SEMA5A: variants seen among roughly 807,000 people sequenced by gnomAD.
The protein encoded by SEMA5A is semaphorin-5A.
Under a neutral mutation model 135.5 loss-of-function variants are expected in SEMA5A, and 55 were observed. The observed-to-expected ratio is 0.41, with a 90% CI of 0.33 to 0.51. The LOEUF (loss-of-function observed/expected upper bound fraction) is 0.51, where lower values mean the gene tolerates loss of function less well. SEMA5A is among the 20% of genes least tolerant of loss of function. SEMA5A has a pLI of 0.37. For synonymous variants in SEMA5A, 580 were observed against 546.5 expected, an observed-to-expected ratio of 1.06 and a Z score of -0.85; for missense variants, 1,290 against 1,419.9, an observed-to-expected ratio of 0.91 and a Z score of 1.47.
intron 2 of SEMA5A, among the ~76,000 whole-genome samples, chr5:9,403,474 CGA>C (rs777517570): frequency 6.6e-6 from 1 of 152,088 alleles, no homozygotes; most frequent in Non-Finnish European, 1.5e-5. Context: ...TGACTTTGGG[CGA>C]GTTATTTCAC....
Position 9,289,239 on chromosome 5 carries a change from ATGAT to A in SEMA5A, c.270+29129_270+29132del, listed in dbSNP as rs557629576. Among the ~76,000 whole-genome samples the A allele has an allele frequency of 1.2e-4, 18 of 152,358 alleles. No individual in the cohort carries two copies. In the East Asian group the frequency reaches 3.5e-3, roughly 29 times the overall value. ...CTGAAAATAATGACATCAAGATAAA[ATGAT>A]TGATATTATAAAGTAAATATTATGT... On this transcript the variant is annotated intron_variant, in intron 5 of 22. Coordinates refer to ENST00000382496, the MANE Select transcript of SEMA5A (RefSeq NM_003966.3).
intron 2 of SEMA5A, among the ~76,000 whole-genome samples, chr5:9,410,089 G>C (rs1186066323): frequency 6.6e-6 from 1 of 152,018 alleles, no homozygotes; most frequent in Non-Finnish European, 1.5e-5. Flanking sequence ...ACAATTAAAA[G>C]TTAACACAAA....
In SEMA5A at chr5:9,066,588, G is replaced by C; in HGVS notation, c.2132C>G (p.Thr711Arg). Residue 711 changes from threonine (T) to arginine (R), a missense_variant, in exon 17 of 23, where the codon ACA (threonine) becomes AGA (arginine). Coordinates refer to ENST00000382496, the MANE Select transcript of SEMA5A (RefSeq NM_003966.3). ...CPELKKTTPW[T>R]PWTPVNISDN... ...AGAGATGTTGACAGGTGTCCAGGGT[G>C]TCCAGGGCGTGGTCTTCTTCAGCTC... The C allele has an allele frequency of 6.2e-7, 1 of 1,614,204 alleles. No homozygotes were observed. The highest frequency in any genetic ancestry group is 8.5e-7 in the Non-Finnish European group (1 of 1,180,032).
At chr5:9,208,110 A>G (rs554438284) in intron 8 of SEMA5A, among the ~76,000 whole-genome samples, 4 of 152,254 alleles carry the variant, frequency 2.6e-5, no homozygotes, top group Non-Finnish European at 5.9e-5. Flanking sequence ...AACATACAGT[A>G]TCATTGTGAG....
intron 1 of SEMA5A, among the ~76,000 whole-genome samples, chr5:9,498,227 C>A (rs1338110116): frequency 2.6e-5 from 4 of 152,060 alleles, no homozygotes; most frequent in African/African-American, 9.7e-5. Flanking sequence ...CCATATGGCC[C>A]CAGGAGGCAC....
chr5:9,328,288 C>T (rs1033673553), intron 4 of SEMA5A, among the ~76,000 whole-genome samples: 32 of 152,330 alleles, frequency 2.1e-4, no homozygotes, highest in Middle Eastern at 3.4e-3. Flanking sequence ...ATCCACAACC[C>T]GCAACTGCCA....
intron 5 of SEMA5A, among the ~76,000 whole-genome samples, chr5:9,311,522 T>G (rs969402334): frequency 7.9e-5 from 11 of 139,618 alleles, no homozygotes; most frequent in Non-Finnish European, 1.5e-4. Flanking sequence ...ATGTTCTCAC[T>G]CATAGGTGGG....
intron 5 of SEMA5A, among the ~76,000 whole-genome samples, chr5:9,302,823 A>G (rs1226826039): frequency 6.6e-6 from 1 of 152,176 alleles, no homozygotes; most frequent in Admixed American, 6.5e-5. Context: ...AAACAGCAGG[A>G]AGAAAAAGAG....
intron 4 of SEMA5A, among the ~76,000 whole-genome samples, chr5:9,331,382 C>T (rs1006196524): frequency 6.6e-6 from 1 of 152,160 alleles, no homozygotes; most frequent in Admixed American, 6.5e-5. Flanking sequence ...TTATGCGTCT[C>T]ATAAGAATAT....
intron 11 of SEMA5A, among the ~76,000 whole-genome samples, chr5:9,164,475 A>G (rs1476270424): frequency 1.3e-5 from 2 of 151,812 alleles, no homozygotes; most frequent in Non-Finnish European, 2.9e-5. Context: ...ATTAGATTCA[A>G]TCTTTTTAAC....
intron 1 of SEMA5A, among the ~76,000 whole-genome samples, chr5:9,521,824 C>A (rs902188993): frequency 6.6e-6 from 1 of 152,176 alleles, no homozygotes; most frequent in Non-Finnish European, 1.5e-5. Flanking sequence ...CTTCACCCCA[C>A]AAATCATGCC....
chr5:9,192,522 G>A (rs1486168618), intron 10 of SEMA5A, among the ~76,000 whole-genome samples: 7 of 152,068 alleles, frequency 4.6e-5, no homozygotes, highest in Non-Finnish European at 7.4e-5. Context: ...AGGGAAATGA[G>A]TGAATAAACA....
intron 8 of SEMA5A, among the ~76,000 whole-genome samples, chr5:9,222,482 G>C (rs149619151): frequency 1.3e-5 from 2 of 152,126 alleles, no homozygotes; most frequent in Non-Finnish European, 2.9e-5. Flanking sequence ...GAAGGAGTGT[G>C]GGGGAGGGCG....
intron 5 of SEMA5A, among the ~76,000 whole-genome samples, chr5:9,311,841 G>A (rs1752151581): frequency 6.6e-6 from 1 of 152,098 alleles, no homozygotes; most frequent in South Asian, 2.1e-4. Flanking sequence ...TAGTCAGAGA[G>A]ATTTAAGTTT....
rs1489934793 is a variant in SEMA5A at position 9,154,526 on chromosome 5, C to T, written c.1443G>A (p.Lys481=). The T allele has an allele frequency of 6.2e-7, 1 of 1,612,310 alleles. No individual in the cohort carries two copies. The highest frequency in any genetic ancestry group is 8.5e-7 in the Non-Finnish European group (1 of 1,180,012). ...AGAACTGGCACCTCTTCAGGGGGAT[C>T]TTGACCACGTGCTCCCGCAGGCCCA... ...LFVGLREHVV[K]IPLKRCQFYR... Residue 481 remains lysine, a synonymous_variant, in exon 12 of 23, where the codon AAG becomes AAA. Coordinates refer to ENST00000382496, the MANE Select transcript of SEMA5A (RefSeq NM_003966.3).
intron 16 of SEMA5A, among the ~76,000 whole-genome samples, chr5:9,080,340 T>G (rs377539561): frequency 1.8e-4 from 27 of 151,452 alleles, no homozygotes; most frequent in African/African-American, 5.8e-4. Flanking sequence ...TAAGTAGGAG[T>G]TGAACAATGA....
At chr5:9,413,748 A>C (rs1286662141) in intron 2 of SEMA5A, among the ~76,000 whole-genome samples, 1 of 152,178 alleles carries the variant, frequency 6.6e-6, no homozygotes, top group Non-Finnish European at 1.5e-5. Flanking sequence ...ATTATGTGAC[A>C]ATGTTTTTGT....
intron 18 of SEMA5A, among the ~76,000 whole-genome samples, chr5:9,061,681 C>T (rs1002765344): frequency 6.6e-6 from 1 of 152,018 alleles, no homozygotes; most frequent in African/African-American, 2.4e-5. Context: ...GAGCAAAAGC[C>T]CTGGGCGGGG....
intron 16 of SEMA5A, among the ~76,000 whole-genome samples, chr5:9,094,453 T>C (rs1335665557): frequency 6.6e-6 from 1 of 152,228 alleles, no homozygotes; most frequent in African/African-American, 2.4e-5. Context: ...CTATTAGCAG[T>C]TGCAAGAAGA....
Sources: gnomAD v4.1 joint callset for allele counts (sites outside exome capture counted in the v4.1 genomes callset) on GRCh38, gnomAD v4.1.1 for gene constraint, MANE v1.5 for transcripts, NCBI Gene and HGNC (gene_info 2026-07-23, HGNC 2026-07-21) for gene names.